PCDH15: variants seen among roughly 807,000 people sequenced by gnomAD.
PCDH15 encodes the protein protocadherin related 15, also known as protocadherin-15.
A neutral mutation model predicts 178.5 loss-of-function variants in PCDH15; 129 were observed. That is an observed-to-expected ratio of 0.72 (90% confidence interval 0.63 to 0.84). The LOEUF (loss-of-function observed/expected upper bound fraction) is 0.84, where lower values mean the gene tolerates loss of function less well. Ranked by LOEUF, PCDH15 falls within the 40% of genes least tolerant of loss-of-function variation. The probability of loss-of-function intolerance (pLI) is 0.00; values close to 1 mark genes in which losing one functional copy is unlikely to be tolerated. For missense variants in PCDH15, 2,230 were observed against 2,099.9 expected (o/e 1.06, Z -1.21); for synonymous variants, 800 against 732.0 (o/e 1.09, Z -1.50).
intron 2 of PCDH15, among the ~76,000 whole-genome samples, chr10:55,101,937 G>A: frequency 6.6e-6 from 1 of 151,452 alleles, no homozygotes; most frequent in East Asian, 1.9e-4. Flanking sequence ...AGGATATAAT[G>A]TTTTATAAAA....
At chr10:55,555,790 AAAAAT>A (rs761504591) in intron 2 of PCDH15, among the ~76,000 whole-genome samples, 2 of 152,088 alleles carry the variant, frequency 1.3e-5, no homozygotes, top group Non-Finnish European at 2.9e-5. Context: ...GAAAATTAAT[AAAAAT>A]AATATGAAGA....
At chr10:54,183,308 C>G in intron 13 of PCDH15, 136 bp downstream of exon 13, 2 of 879,258 alleles carry the variant, frequency 2.3e-6, no homozygotes, top group Non-Finnish European at 3.7e-6. Context: ...AAATTTAAAG[C>G]TATTTAAACT....
At chr10:54,178,106 C>G (rs2047622293) in intron 13 of PCDH15, among the ~76,000 whole-genome samples, 1 of 152,026 alleles carries the variant, frequency 6.6e-6, no homozygotes, top group South Asian at 2.1e-4. Flanking sequence ...CATCTCTCAG[C>G]CAACAGAGAA....
intron 6 of PCDH15, among the ~76,000 whole-genome samples, chr10:54,333,675 T>C (rs896603337): frequency 3.3e-5 from 5 of 152,158 alleles, no homozygotes; most frequent in African/African-American, 9.7e-5. Flanking sequence ...TCTTAAAGTT[T>C]AGAATGCACA....
chr10:54,781,908 A>G (rs1458927541), intron 1 of PCDH15, among the ~76,000 whole-genome samples: 1 of 152,180 alleles, frequency 6.6e-6, no homozygotes, highest in East Asian at 1.9e-4. Flanking sequence ...ATTTAGAAAG[A>G]CAAAACCTTA....
At chr10:54,451,964 C>T (rs2076507880) in intron 3 of PCDH15, among the ~76,000 whole-genome samples, 1 of 151,928 alleles carries the variant, frequency 6.6e-6, no homozygotes, top group Admixed American at 6.6e-5. Context: ...TTACTTCCTT[C>T]AAGTAATTGT....
intron 21 of PCDH15, among the ~76,000 whole-genome samples, chr10:53,963,593 A>G (rs2088608331): frequency 6.6e-6 from 1 of 152,112 alleles, no homozygotes; most frequent in Admixed American, 6.6e-5. Flanking sequence ...ACTAGTACAC[A>G]TAATTGTCCA....
intron 2 of PCDH15, among the ~76,000 whole-genome samples, chr10:55,546,920 A>G (rs1438176033): frequency 1.3e-5 from 2 of 152,144 alleles, no homozygotes; most frequent in African/African-American, 4.8e-5. Context: ...CTTTCAGTCC[A>G]TGAGGCAGGT....
At chr10:54,955,705 T>G (rs1838468871) in intron 2 of PCDH15, among the ~76,000 whole-genome samples, 1 of 151,334 alleles carries the variant, frequency 6.6e-6, no homozygotes, top group Admixed American at 6.6e-5. Flanking sequence ...AATTACCAAA[T>G]AAAATGATTT....
rs1839810891 is a variant in PCDH15 at position 55,002,232 on chromosome 10, T to C, written c.-79-104732A>G. 3.3e-5 allele frequency among the ~76,000 whole-genome samples: 5 copies of C among 152,380 alleles called. No individual in the cohort carries two copies. In the South Asian group the frequency reaches 1.0e-3, roughly 32 times the overall value. ...TGCAAGATTATTTACTTTTAAATAATCTTTTAAATAGCTTAAAAGAAAATA... is the reference window on the plus strand; with the variant it reads ...TGCAAGATTATTTACTTTTAAATAACCTTTTAAATAGCTTAAAAGAAAATA... On this transcript the variant is annotated intron_variant, in intron 2 of 5. Transcript: ENST00000458638.
At chr10:54,541,331 T>C (rs2085196425) in intron 2 of PCDH15, among the ~76,000 whole-genome samples, 1 of 152,150 alleles carries the variant, frequency 6.6e-6, no homozygotes, top group Non-Finnish European at 1.5e-5. Flanking sequence ...TATAAAAATA[T>C]ATTAACATTT....
intron 1 of PCDH15, among the ~76,000 whole-genome samples, chr10:55,278,678 AT>A (rs1269672572): frequency 6.6e-6 from 1 of 152,218 alleles, no homozygotes; most frequent in African/African-American, 2.4e-5. Flanking sequence ...AGAATTTATA[AT>A]TTGGATGGTT....
chr10:55,377,310 T>C (rs1331455443), intron 2 of PCDH15, among the ~76,000 whole-genome samples: 1 of 151,958 alleles, frequency 6.6e-6, no homozygotes, highest in Non-Finnish European at 1.5e-5. Flanking sequence ...AATTATTTTC[T>C]ACCCGACAGT....
intron 2 of PCDH15, among the ~76,000 whole-genome samples, chr10:54,598,287 T>C (rs1013756488): frequency 6.6e-6 from 1 of 151,958 alleles, no homozygotes; most frequent in Non-Finnish European, 1.5e-5. Context: ...ACAATCAATA[T>C]TCTTTATCCC....
At chr10:54,120,949 C>A (rs2095208030) in intron 15 of PCDH15, among the ~76,000 whole-genome samples, 2 of 151,944 alleles carry the variant, frequency 1.3e-5, no homozygotes, top group South Asian at 4.2e-4. Context: ...ATCCAATATG[C>A]ATCTACAGAA....
At chr10:54,763,933 T>C (rs1948208724) in intron 1 of PCDH15, among the ~76,000 whole-genome samples, 1 of 151,502 alleles carries the variant, frequency 6.6e-6, no homozygotes, top group African/African-American at 2.4e-5. Flanking sequence ...AAACTTATGA[T>C]AGCCTATTAA....
At chr10:53,881,641 C>T (rs1451680161) in intron 26 of PCDH15, among the ~76,000 whole-genome samples, 1 of 151,976 alleles carries the variant, frequency 6.6e-6, no homozygotes, top group Non-Finnish European at 1.5e-5. Flanking sequence ...TTGAAAAAAA[C>T]CAAGCCACCA....
rs182985047 is a variant in PCDH15 at position 54,806,346 on chromosome 10, C to A, written c.-29+91104G>T. Among the ~76,000 whole-genome samples, 79 of 152,142 alleles carry A rather than the reference C, an allele frequency of 5.2e-4. 1 individual carries two copies. The highest frequency in any genetic ancestry group is 1.7e-3 in the African/African-American group (70 of 41,508). ...ATTATTTCAGTGTGAGTCAGAGGTC[C>A]AGATCAGGGTCTCACAGGCTCTAAT... On this transcript the variant is annotated intron_variant, in intron 3 of 5. Coordinates refer to the PCDH15 transcript ENST00000458638.
At chr10:54,165,132 A>C (rs1476615345) in intron 13 of PCDH15, among the ~76,000 whole-genome samples, 1 of 152,138 alleles carries the variant, frequency 6.6e-6, no homozygotes, top group Non-Finnish European at 1.5e-5. Flanking sequence ...TTGCAAATGT[A>C]TTTATTTTCA....
Sources: allele counts gnomAD v4.1 joint callset (sites outside exome capture counted in the v4.1 genomes callset), GRCh38; gene constraint gnomAD v4.1.1; transcripts MANE v1.5; gene names NCBI Gene and HGNC (gene_info 2026-07-23, HGNC 2026-07-21).